KIF1A: variants seen among roughly 807,000 people sequenced by gnomAD.
The protein encoded by KIF1A is kinesin-like protein KIF1A.
KIF1A carries 46 observed loss-of-function variants against 227.3 expected under a neutral mutation model. That is an observed-to-expected ratio of 0.20 (90% CI 0.16 to 0.26). KIF1A has a LOEUF of 0.26. Among genes scored for constraint, KIF1A ranks in the 10% least tolerant of loss-of-function variants. The pLI is 1.00. For synonymous variants in KIF1A, 1,022 were observed against 1,012.8 expected, an observed-to-expected ratio of 1.01 and a Z score of -0.17; for missense variants, 1,683 against 2,485.9, an observed-to-expected ratio of 0.68 and a Z score of 6.87.
intron 37 of KIF1A, among the ~76,000 whole-genome samples, chr2:240,737,970 A>C (rs947090894): frequency 2.0e-5 from 3 of 152,190 alleles, no homozygotes; most frequent in African/African-American, 7.2e-5. Context: ...CCATTGCTGG[A>C]ACTCTGACCC....
chr2:240,773,463 A>T (rs1335660100), intron 12 of KIF1A, among the ~76,000 whole-genome samples: 6 of 152,186 alleles, frequency 3.9e-5, no homozygotes. Flanking sequence ...CACAGGCCAG[A>T]GAAGACTTAC....
intron 17 of KIF1A, 88 bp downstream of exon 17, chr2:240,769,045 A>G (rs1049843348): frequency 1.4e-4 from 168 of 1,190,672 alleles, no homozygotes; most frequent in Non-Finnish European, 2.0e-4. Context: ...CCCTACTTCC[A>G]GGAGCCCCCT....
In KIF1A at chr2:240,760,700, G is replaced by A. The variant is rs746800505; in HGVS notation, c.2409C>T (p.Asn803=). The A allele has an allele frequency of 4.0e-5, 63 of 1,574,022 alleles. No individual in the cohort carries two copies. Among genetic ancestry groups the A allele is most frequent in the South Asian group, 4.0e-4 (34 of 85,718 alleles). ...IVAVEVQDQK[N]GATHYWTLEK... is the part of the protein sequence containing the mutation. The stretch of plus-strand genomic sequence containing the variant: ...CCAGCGTCCAGTAGTGGGTGGCCCC[G>A]TTCTTCTGGTCCTGGACCTCCACGG... Residue 803 remains asparagine (N), a synonymous_variant, in exon 25 of 49, where the codon AAC becomes AAT. Coordinates refer to ENST00000498729, the MANE Select transcript of KIF1A (RefSeq NM_001244008.2).
At chr2:240,769,591 C>A (rs1199688630) in intron 16 of KIF1A, 36 bp downstream of exon 16, 3 of 1,575,072 alleles carry the variant, frequency 1.9e-6, no homozygotes, top group Admixed American at 3.4e-5. Context: ...GCTGGCTGCA[C>A]CCCTCCCCCT....
upstream of KIF1A, among the ~76,000 whole-genome samples, chr2:240,821,254 T>C (rs2058686650): frequency 6.6e-6 from 1 of 152,174 alleles, no homozygotes; most frequent in Non-Finnish European, 1.5e-5. Flanking sequence ...TGGCTAAGCC[T>C]CCCTGGCGCC....
chr2:240,725,249 G>T lies in KIF1A; in HGVS notation c.4256+22C>A. On this transcript the variant is annotated intron_variant, in intron 40 of 48. Transcript: ENST00000498729. The surrounding 1 kb of genome is among the most constrained non-coding windows in gnomAD (Gnocchi z 5.8). ...CGAGACCAGGGTGGGAGTCCATGTG[G>T]TCCTCACCCCTGGGAGCTTACCTCT... 1.3e-6 allele frequency: 2 copies of T among 1,583,026 alleles called. No individual in the cohort carries two copies. The highest frequency in any genetic ancestry group is 1.2e-5 in the South Asian group (1 of 86,852).
intron 28 of KIF1A, 29 bp from the exon 29 acceptor site, chr2:240,747,350 A>C (rs2048723562): frequency 3.8e-6 from 6 of 1,591,414 alleles, no homozygotes; most frequent in Non-Finnish European, 5.2e-6. Flanking sequence ...AAATGGTTGG[A>C]GCCCAGCTTG....
At chr2:240,738,240 C>T (rs192098657) in intron 37 of KIF1A, among the ~76,000 whole-genome samples, 10 of 152,354 alleles carry the variant, frequency 6.6e-5, no homozygotes, top group Admixed American at 6.5e-4. Context: ...ACAAAACTGA[C>T]ACCCATGAGC....
chr2:240,781,217 A>G (rs1193196093), intron 10 of KIF1A, among the ~76,000 whole-genome samples: 1 of 63,762 alleles, frequency 1.6e-5, no homozygotes, highest in East Asian at 4.8e-4. Flanking sequence ...AGCTCCACAC[A>G]CACACACAGC....
rs747826470 is a variant in KIF1A, at chr2:240,783,101, G to A, written c.807C>T (p.Ala269=). The A allele has an allele frequency of 4.3e-6, 7 of 1,613,502 alleles. No individual in the cohort carries two copies. In the South Asian group the frequency reaches 7.7e-5, roughly 18 times the overall value. ...GGGTGGTCAGCGACTTGTTGATGTT[G>A]GCCCCCTCCTGCGGGCAGAAAAGAC... ...GAKGTRLKEG[A]NINKSLTTLG... The change falls in exon 9 of 49, where the codon GCC becomes GCT. Residue 269 remains alanine, a synonymous_variant. Transcript: ENST00000498729.
In KIF1A at chr2:240,737,454, G is replaced by A. The variant is rs558299441; in HGVS notation, c.3902-286C>T. 8.8e-5 allele frequency: 20 copies of A among 226,934 alleles called. 1 individual carries two copies. In the Middle Eastern group the frequency reaches 5.1e-3, roughly 58 times the overall value. 14.1% of individuals were successfully genotyped at this position (226,934 alleles called of 1,614,324 possible). ...GCAGGTGCTTAGCCTGGAAACCACC[G>A]GCCTTCCTGACTGCTGGAAAAGGAA... On this transcript the variant is annotated intron_variant, in intron 37 of 48. Transcript: ENST00000498729.
chr2:240,771,374 G>A lies in KIF1A; in HGVS notation c.1208-270C>T, dbSNP rs58084812. 0.074 allele frequency: 38,674 copies of A among 523,560 alleles called. 2,105 individuals are homozygous for A. Among genetic ancestry groups the A allele is most frequent in the African/African-American group, 0.17 (9,066 of 51,850 alleles). The allele number at this position is 523,560 out of a possible 1,614,324, so 32.4% of individuals were successfully genotyped here. A position where few individuals can be genotyped will look rare whatever the true frequency, so the allele number is the denominator to read the frequency against. ...CACCCCTTGCCTACGATGGGACGGG[G>A]CCAGCAGTGGCGCGCACTTGCCCGC... is the stretch of plus-strand genomic sequence containing the variant. On this transcript the variant is annotated intron_variant, in intron 14 of 48. Transcript: ENST00000498729.
Position 240,778,230 on chromosome 2 carries a change from C to T in KIF1A, c.883-2304G>A, listed in dbSNP as rs990459427. Among the ~76,000 whole-genome samples the T allele has an allele frequency of 2.4e-4, 36 of 152,278 alleles. No homozygotes were observed. Among genetic ancestry groups the T allele is most frequent in the African/African-American group, 8.2e-4 (34 of 41,554 alleles). The stretch of plus-strand genomic sequence containing the variant: ...TCATCAAGTTTCCCCACAAGTTCCA[C>T]ACGCAATTCTGTCACAGTTCTCTGT... On this transcript the variant is annotated intron_variant, in intron 10 of 48. Coordinates refer to ENST00000498729, the MANE Select transcript of KIF1A (RefSeq NM_001244008.2). The surrounding 1 kb of genome is among the most constrained non-coding windows in gnomAD (Gnocchi z 7.2).
chr2:240,809,579 C>T (rs2057699279), intron 1 of KIF1A, among the ~76,000 whole-genome samples: 1 of 152,082 alleles, frequency 6.6e-6, no homozygotes, highest in Non-Finnish European at 1.5e-5. Context: ...AAATAAATTC[C>T]ATGTGGATTA....
At chr2:240,787,584 T>A (rs1022181683) in intron 4 of KIF1A, among the ~76,000 whole-genome samples, 15 of 152,090 alleles carry the variant, frequency 9.9e-5, no homozygotes, top group Admixed American at 6.5e-5. Flanking sequence ...CCCAGCCATC[T>A]CCCTTCCCTC....
At chr2:240,769,486 G>C in intron 16 of KIF1A, 141 bp downstream of exon 16, 1 of 697,688 alleles carries the variant, frequency 1.4e-6, no homozygotes, top group Non-Finnish European at 2.4e-6. Flanking sequence ...TGAGGGAACA[G>C]GTTTGCCCTG....
chr2:240,736,030 C>T lies in KIF1A; in HGVS notation c.4007+1033G>A, dbSNP rs1490204287. Among the ~76,000 whole-genome samples, 2 of 151,946 alleles carry T rather than the reference C, an allele frequency of 1.3e-5. No individual in the cohort carries two copies. The highest frequency in any genetic ancestry group is 6.5e-5 in the Admixed American group (1 of 15,280). ...ACCCTGACTATCCAGCTGCCCCCTGCCCTGGCTGCCCCTGCAGTGCCCTCC... is the reference window on the plus strand; with the variant it reads ...ACCCTGACTATCCAGCTGCCCCCTGTCCTGGCTGCCCCTGCAGTGCCCTCC... On this transcript the variant is annotated intron_variant, in intron 38 of 48. Transcript: ENST00000498729. This position sits in a 1 kb window ranked among gnomAD's most constrained non-coding sequence, Gnocchi z 4.7.
Position 240,789,079 on chromosome 2 carries a change from G to A in KIF1A, c.183+157C>T, listed in dbSNP as rs368601539. Among the ~76,000 whole-genome samples the A allele has an allele frequency of 4.6e-5, 7 of 152,184 alleles. No individual in the cohort carries two copies. Among genetic ancestry groups the A allele is most frequent in the Non-Finnish European group, 8.8e-5 (6 of 68,016 alleles). On this transcript the variant is annotated intron_variant, in intron 3 of 48. Transcript: ENST00000498729. This position sits in a 1 kb window ranked among gnomAD's most constrained non-coding sequence, Gnocchi z 4.8. ...TCCTGCAGCCTCCATCACTGCCTTC[G>A]CTGAGGACCGCTCAGGGTGACCTTC...
intron 28 of KIF1A, among the ~76,000 whole-genome samples, chr2:240,748,416 G>A (rs1256313380): frequency 6.6e-6 from 1 of 152,200 alleles, no homozygotes; most frequent in African/African-American, 2.4e-5. Flanking sequence ...GCCCTCACAA[G>A]GACATGGGCC....
Sources: gnomAD v4.1 joint callset for allele counts (sites outside exome capture counted in the v4.1 genomes callset) on GRCh38, gnomAD v4.1.1 for gene constraint, Gnocchi (gnomAD v3.1) non-coding constraint, MANE v1.5 for transcripts, NCBI Gene and HGNC (gene_info 2026-07-23, HGNC 2026-07-21) for gene names.